The following SENP6 variants were observed in gnomAD, a reference collection of about 807,000 sequenced individuals.
The protein encoded by SENP6 is SUMO specific peptidase 6, also known as sentrin-specific protease 6.
SENP6 carries 41 observed loss-of-function variants against 134.5 expected under a neutral mutation model. That is an observed-to-expected ratio of 0.30 (90% CI 0.24 to 0.40). The LOEUF (loss-of-function observed/expected upper bound fraction) is 0.40. SENP6 is among the 10% of genes least tolerant of loss of function. The pLI is 1.00. For synonymous variants in SENP6, 395 were observed against 429.8 expected (o/e 0.92, Z 1.00); for missense variants, 1,248 against 1,312.5 (o/e 0.95, Z 0.76).
At chr6:75,711,208 A>C in intron 20 of SENP6, 120 bp from the exon 21 acceptor site, 1 of 632,122 alleles carries the variant, frequency 1.6e-6, no homozygotes, top group Non-Finnish European at 2.8e-6. Context: ...TAATCACCTA[A>C]ATAGAGAAAA....
At chr6:75,668,589 A>G (rs1445553902) in intron 10 of SENP6, among the ~76,000 whole-genome samples, 7 of 152,244 alleles carry the variant, frequency 4.6e-5, no homozygotes, top group African/African-American at 9.6e-5. Flanking sequence ...TATTGTCTCA[A>G]TCTTGATCAG....
Position 75,710,163 on chromosome 6 carries a change from T to C in SENP6, c.2820+533T>C, listed in dbSNP as rs1329313705. 9.9e-5 allele frequency among the ~76,000 whole-genome samples: 15 copies of C among 151,858 alleles called. 1 individual carries two copies. The highest frequency in any genetic ancestry group is 9.2e-4 in the Admixed American group (14 of 15,270). Reference sequence around the variant, plus strand: ...TGGTACATGAGTACCAAAAATATTATATTGTTTTCCCACTTTTCCAGTTAT... The same window carrying C: ...TGGTACATGAGTACCAAAAATATTACATTGTTTTCCCACTTTTCCAGTTAT... On this transcript the variant is annotated intron_variant, in intron 20 of 23. Transcript: ENST00000447266.
At chr6:75,705,906 TAGAA>T (rs1389196265) in intron 19 of SENP6, among the ~76,000 whole-genome samples, 2 of 147,610 alleles carry the variant, frequency 1.4e-5, no homozygotes, top group East Asian at 2.0e-4. Context: ...TTTAGTGAGT[TAGAA>T]AGCTATTTTT....
chr6:75,657,570 T>TA (rs1470130737), intron 7 of SENP6, among the ~76,000 whole-genome samples: 1 of 152,230 alleles, frequency 6.6e-6, no homozygotes, highest in Non-Finnish European at 1.5e-5. Context: ...TTCATTTTTT[T>TA]ATGTGTCATA....
At chr6:75,615,900 T>C (rs939779228) in intron 1 of SENP6, among the ~76,000 whole-genome samples, 2 of 152,236 alleles carry the variant, frequency 1.3e-5, no homozygotes, top group African/African-American at 4.8e-5. Flanking sequence ...ATTAAAAATC[T>C]TCTTTTGCTT....
chr6:75,664,135 A>T (rs934754732), intron 9 of SENP6, among the ~76,000 whole-genome samples: 1 of 152,080 alleles, frequency 6.6e-6, no homozygotes, highest in African/African-American at 2.4e-5. Context: ...GAATGAACAT[A>T]ATTTCTTCTA....
chr6:75,704,003 A>G (rs1407409753), intron 19 of SENP6, among the ~76,000 whole-genome samples: 3 of 152,228 alleles, frequency 2.0e-5, no homozygotes, highest in Non-Finnish European at 2.9e-5. Flanking sequence ...ATCTCAATTT[A>G]CACATTGGTA....
At chr6:75,660,587 T>A (rs1381005890) in intron 8 of SENP6, among the ~76,000 whole-genome samples, 3 of 152,124 alleles carry the variant, frequency 2.0e-5, no homozygotes, top group Non-Finnish European at 4.4e-5. Context: ...TGACATTCAC[T>A]TCTCTGCTTT....
intron 18 of SENP6, among the ~76,000 whole-genome samples, chr6:75,702,194 T>C (rs543012610): frequency 6.6e-6 from 1 of 151,286 alleles, no homozygotes; most frequent in South Asian, 2.1e-4. Context: ...AGCAGATTAA[T>C]TTGAGAACTA....
intron 14 of SENP6, 110 bp from the exon 15 acceptor site, chr6:75,678,473 C>T: frequency 1.6e-6 from 1 of 625,834 alleles, no homozygotes; most frequent in African/African-American, 1.9e-5. Context: ...CTTTTTAGTT[C>T]CACATTTTTA....
At chr6:75,621,814 A>G (rs536466513) in intron 2 of SENP6, among the ~76,000 whole-genome samples, 189 bp downstream of exon 2, 1 of 152,336 alleles carries the variant, frequency 6.6e-6, no homozygotes, top group East Asian at 1.9e-4. Flanking sequence ...TATTTTCTCC[A>G]TCTTTTGAAA....
intron 5 of SENP6, among the ~76,000 whole-genome samples, chr6:75,639,693 A>G (rs1355049515): frequency 6.6e-6 from 1 of 152,140 alleles, no homozygotes; most frequent in Non-Finnish European, 1.5e-5. Context: ...TTCATGAACT[A>G]TGGAGAAGGG....
At chr6:75,635,985 T>A (rs1435929284) in intron 5 of SENP6, among the ~76,000 whole-genome samples, 1 of 152,136 alleles carries the variant, frequency 6.6e-6, no homozygotes, top group African/African-American at 2.4e-5. Context: ...TTTGAAGTTG[T>A]CTGTTAGTTT....
At chr6:75,626,013 G>A (rs140084168) in intron 3 of SENP6, among the ~76,000 whole-genome samples, 3 of 152,166 alleles carry the variant, frequency 2.0e-5, no homozygotes, top group African/African-American at 7.2e-5. Context: ...GATGACACTA[G>A]CAGGTATATG....
intron 9 of SENP6, among the ~76,000 whole-genome samples, chr6:75,666,320 A>G (rs1367023666): frequency 1.3e-5 from 2 of 148,820 alleles, no homozygotes; most frequent in African/African-American, 2.4e-5. Flanking sequence ...CATATTTACA[A>G]TGCATTCTAT....
intron 16 of SENP6, among the ~76,000 whole-genome samples, chr6:75,684,679 T>G (rs557887463): frequency 6.6e-6 from 1 of 152,362 alleles, no homozygotes; most frequent in South Asian, 2.1e-4. Flanking sequence ...TCATTGGTTC[T>G]GTTTATACGA....
chr6:75,648,502 T>A (rs1770622932), intron 7 of SENP6, among the ~76,000 whole-genome samples: 1 of 152,164 alleles, frequency 6.6e-6, no homozygotes, highest in Admixed American at 6.5e-5. Flanking sequence ...AATGTGCTTT[T>A]AAAAAACACC....
intron 18 of SENP6, among the ~76,000 whole-genome samples, chr6:75,699,071 A>C (rs1774847569): frequency 6.6e-6 from 1 of 152,032 alleles, no homozygotes; most frequent in Non-Finnish European, 1.5e-5. Context: ...ACTGGGTACT[A>C]ATTTGTCTTG....
chr6:75,622,103 C>A (rs909386095), intron 2 of SENP6, among the ~76,000 whole-genome samples: 3 of 152,034 alleles, frequency 2.0e-5, no homozygotes, highest in African/African-American at 7.3e-5. Context: ...GAAAGCAGAA[C>A]CATTATAAAT....
Sources: allele counts gnomAD v4.1 joint callset (sites outside exome capture counted in the v4.1 genomes callset), GRCh38; gene constraint gnomAD v4.1.1; transcripts MANE v1.5; gene names NCBI Gene and HGNC (gene_info 2026-07-23, HGNC 2026-07-21).